Variants in SNTG1 observed in about 807,000 individuals in gnomAD.
SNTG1 encodes the protein gamma-1-syntrophin.
A neutral mutation model predicts 74.7 loss-of-function variants in SNTG1; 39 were observed. The ratio of observed to expected loss-of-function variants is 0.52; its 90% CI spans 0.40 to 0.68. The LOEUF (loss-of-function observed/expected upper bound fraction) is 0.68, where lower values mean the gene tolerates loss of function less well. SNTG1 is among the 30% of genes least tolerant of loss of function. The pLI, the probability that SNTG1 is intolerant of heterozygous loss-of-function variation, is 0.00. For missense variants in SNTG1, 685 were observed against 609.5 expected (o/e 1.12, Z -1.30); for synonymous variants, 254 against 217.1 (o/e 1.17, Z -1.49).
chr8:50,531,190 T>C (rs1443989669), intron 10 of SNTG1, among the ~76,000 whole-genome samples: 1 of 152,124 alleles, frequency 6.6e-6, no homozygotes, highest in African/African-American at 2.4e-5. Context: ...CTCAGCTGAG[T>C]ACCTTAGGCC....
chr8:50,234,811 G>A (rs2085807050), intron 2 of SNTG1, among the ~76,000 whole-genome samples: 1 of 151,970 alleles, frequency 6.6e-6, no homozygotes, highest in Non-Finnish European at 1.5e-5. Flanking sequence ...TTTAAAAATG[G>A]TCCTTTGGAT....
At chr8:50,755,777 T>C (rs1326442530) in intron 18 of SNTG1, among the ~76,000 whole-genome samples, 1 of 151,904 alleles carries the variant, frequency 6.6e-6, no homozygotes, top group African/African-American at 2.4e-5. Context: ...TTGTTGTCCA[T>C]GTTCTGGATT....
chr8:49,965,149 A>G (rs974912405), intron 1 of SNTG1, among the ~76,000 whole-genome samples: 7 of 152,076 alleles, frequency 4.6e-5, no homozygotes, highest in African/African-American at 1.7e-4. Context: ...TGATTTAGCT[A>G]TCACTGATAT....
chr8:50,245,893 T>A (rs1219981629), intron 2 of SNTG1, among the ~76,000 whole-genome samples: 4 of 152,000 alleles, frequency 2.6e-5, no homozygotes, highest in African/African-American at 9.7e-5. Flanking sequence ...TTGCAAACTA[T>A]GAAAACTTTG....
At chr8:50,297,177 C>A (rs2089424065) in intron 2 of SNTG1, among the ~76,000 whole-genome samples, 1 of 152,138 alleles carries the variant, frequency 6.6e-6, no homozygotes, top group Non-Finnish European at 1.5e-5. Flanking sequence ...TGGTTGTCCT[C>A]CTTATCTGCA....
At chr8:50,503,840 C>T (rs1047625238) in intron 9 of SNTG1, among the ~76,000 whole-genome samples, 3 of 152,248 alleles carry the variant, frequency 2.0e-5, no homozygotes, top group East Asian at 1.9e-4. Context: ...CTGCTGGAAA[C>T]GTTCTTTTAT....
At chr8:50,249,348 T>C (rs1450891361) in intron 2 of SNTG1, among the ~76,000 whole-genome samples, 1 of 152,232 alleles carries the variant, frequency 6.6e-6, no homozygotes, top group East Asian at 1.9e-4. Context: ...CAAAACTGCA[T>C]GCACCTGTCC....
intron 18 of SNTG1, among the ~76,000 whole-genome samples, chr8:50,763,761 T>A (rs1254070291): frequency 6.7e-6 from 1 of 148,786 alleles, no homozygotes; most frequent in Non-Finnish European, 1.5e-5. Context: ...TGTTAAAACG[T>A]CTATATTACC....
chr8:50,337,010 T>C (rs1192797015), intron 2 of SNTG1, among the ~76,000 whole-genome samples: 6 of 152,234 alleles, frequency 3.9e-5, no homozygotes, highest in African/African-American at 1.4e-4. Context: ...TGTTGCTCTT[T>C]TTATCTTCAA....
chr8:49,946,207 TC>T, intron 1 of SNTG1, among the ~76,000 whole-genome samples: 1 of 152,218 alleles, frequency 6.6e-6, no homozygotes, highest in Non-Finnish European at 1.5e-5. Context: ...CTGTCAGCAT[TC>T]TTTTTCTGTT....
At chr8:50,275,243 G>GTGT (rs1491140568) in intron 2 of SNTG1, among the ~76,000 whole-genome samples, 1 of 152,070 alleles carries the variant, frequency 6.6e-6, no homozygotes, top group East Asian at 1.9e-4. Context: ...CACTCTAATA[G>GTGT]TGTTTGTCTT....
At chr8:50,257,120 A>C (rs936539188) in intron 2 of SNTG1, among the ~76,000 whole-genome samples, 1 of 152,078 alleles carries the variant, frequency 6.6e-6, no homozygotes, top group African/African-American at 2.4e-5. Flanking sequence ...AGGCACACCC[A>C]AAACCCTTCG....
chr8:50,509,712 CTGTT>C (rs1237515264), intron 9 of SNTG1, among the ~76,000 whole-genome samples: 8 of 152,178 alleles, frequency 5.3e-5, no homozygotes, highest in African/African-American at 1.9e-4. Context: ...ATTTGGCTCT[CTGTT>C]TGTCTGTTAT....
intron 15 of SNTG1, among the ~76,000 whole-genome samples, chr8:50,701,407 T>G (rs1032389226): frequency 4.6e-5 from 7 of 152,190 alleles, no homozygotes; most frequent in African/African-American, 1.7e-4. Context: ...TCCTTTTCTT[T>G]GAATTTCTGA....
At chr8:50,186,297 G>T (rs1175118038) in intron 2 of SNTG1, among the ~76,000 whole-genome samples, 1 of 152,080 alleles carries the variant, frequency 6.6e-6, no homozygotes, top group Non-Finnish European at 1.5e-5. Context: ...TGTAAATAGT[G>T]CTGCAGTAAA....
At chr8:50,360,104 A>G (rs2091918057) in intron 2 of SNTG1, among the ~76,000 whole-genome samples, 1 of 152,100 alleles carries the variant, frequency 6.6e-6, no homozygotes, top group African/African-American at 2.4e-5. Flanking sequence ...AACTGGTCTA[A>G]CAGTTCATGC....
At position 50,148,735 on chromosome 8, in the gene SNTG1, A is replaced by AT. The variant is rs1337235681; in HGVS notation, c.-102-23821dup. On this transcript the variant is annotated intron_variant, in intron 1 of 18. Coordinates refer to ENST00000642720, the MANE Select transcript of SNTG1 (RefSeq NM_018967.5). ...TCCATACAAAGGACATGAACTCATC[A>AT]TTTTTATGGATGCATAGTATTCCAT... Among the ~76,000 whole-genome samples the AT allele has an allele frequency of 8.5e-5, 13 of 152,172 alleles. 1 individual carries two copies. Among genetic ancestry groups the AT allele is most frequent in the African/African-American group, 2.9e-4 (12 of 41,526 alleles).
chr8:50,512,672 T>C (rs768906859), intron 9 of SNTG1, among the ~76,000 whole-genome samples: 27 of 152,236 alleles, frequency 1.8e-4, no homozygotes, highest in Non-Finnish European at 3.2e-4. Context: ...CATTTGATCT[T>C]CCATCCTTGA....
At position 50,648,760 on chromosome 8, in the gene SNTG1, C is replaced by T. The variant is rs540157308; in HGVS notation, c.850-8149C>T. 3.0e-3 allele frequency among the ~76,000 whole-genome samples: 463 copies of T among 152,182 alleles called. 3 individuals are homozygous for T. Among genetic ancestry groups the T allele is most frequent in the African/African-American group, 0.011 (446 of 41,520 alleles). ...TAATTATTTAAAAAAAATCAAACCT[C>T]CATAAACAAGCTACATGTCAAAGAG... On this transcript the variant is annotated intron_variant, in intron 13 of 18. Transcript: ENST00000642720.
Sources: gnomAD v4.1 joint callset for allele counts (sites outside exome capture counted in the v4.1 genomes callset) on GRCh38, gnomAD v4.1.1 for gene constraint, MANE v1.5 for transcripts, NCBI Gene and HGNC (gene_info 2026-07-23, HGNC 2026-07-21) for gene names.